Variants in BAZ2B observed in about 807,000 individuals in gnomAD.
BAZ2B encodes bromodomain adjacent to zinc finger domain 2B, also known as bromodomain adjacent to zinc finger domain protein 2B.
In BAZ2B, 91 loss-of-function variants were observed where a neutral mutation model predicts 246.0. The ratio of observed to expected loss-of-function variants is 0.37; its 90% confidence interval spans 0.31 to 0.44. The LOEUF is 0.44. Ranked by LOEUF, BAZ2B falls within the 20% of genes least tolerant of loss-of-function variation. BAZ2B has a pLI of 1.00. For synonymous variants in BAZ2B, 855 were observed against 860.0 expected (o/e 0.99, Z 0.10); for missense variants, 2,332 against 2,533.7 (o/e 0.92, Z 1.71).
rs542403165 is a variant in BAZ2B at position 159,462,308 on chromosome 2, T to G, written c.146-8507A>C. The G allele has an allele frequency of 6.3e-6, 5 of 792,216 alleles. No homozygotes were observed. The Admixed American group carries it at 9.5e-5, about 15-fold the overall frequency. 49.1% of individuals were successfully genotyped at this position (792,216 alleles called of 1,614,324 possible). On this transcript the variant is annotated intron_variant, in intron 3 of 36. Transcript: ENST00000392783. ...TTTGAAAGCTCTAGCAAAATATCAC[T>G]CTTGTTTATAAATCACTTATTTATC...
intron 2 of BAZ2B, among the ~76,000 whole-genome samples, chr2:159,524,284 TA>T (rs552130774): frequency 2.0e-3 from 308 of 151,546 alleles, no homozygotes; most frequent in African/African-American, 7.2e-3. Flanking sequence ...AGCCAGGTAT[TA>T]AAAAAATAAA....
rs2069548069 is a variant in BAZ2B at position 159,425,129 on chromosome 2, T to C, written c.2466+2812A>G. On this transcript the variant is annotated intron_variant, in intron 13 of 36. Transcript: ENST00000392783. The stretch of plus-strand genomic sequence containing the variant: ...TTGGAAAACTATGAATTCTCAGTTT[T>C]ATTGAATTACAAAGAATAGGGGTAT... Among the ~76,000 whole-genome samples the C allele has an allele frequency of 4.6e-5, 7 of 152,338 alleles. No individual in the cohort carries two copies. In the South Asian group the frequency reaches 1.4e-3, roughly 32 times the overall value.
the BAZ2B span, among the ~76,000 whole-genome samples, chr2:159,685,855 T>G: frequency 6.6e-6 from 1 of 152,216 alleles, no homozygotes; most frequent in Admixed American, 6.5e-5. Context: ...AACTCCTCCC[T>G]CCAGGAGAAA....
In BAZ2B at chr2:159,478,967, T is replaced by C. The variant is rs115722260; in HGVS notation, c.-2-246A>G. Among the ~76,000 whole-genome samples the C allele has an allele frequency of 7.2e-3, 1,098 of 152,290 alleles. 11 individuals carry two copies. The highest frequency in any genetic ancestry group is 0.024 in the African/African-American group (1,014 of 41,556). ...CCCCAAATTAATAGTGGTTTGAATA[T>C]AGTAATTTCACACAAAATGTGTATT... On this transcript the variant is annotated intron_variant, in intron 2 of 36. Transcript: ENST00000392783.
intron 1 of BAZ2B, among the ~76,000 whole-genome samples, chr2:159,583,979 A>G (rs1302248355): frequency 6.6e-6 from 1 of 152,150 alleles, no homozygotes; most frequent in African/African-American, 2.4e-5. Context: ...GCCCAGAGTG[A>G]AGAAGAAGTG....
At chr2:159,318,152 T>C (rs577976097), downstream of BAZ2B, among the ~76,000 whole-genome samples, 238 of 152,166 alleles carry the variant, frequency 1.6e-3, 5 homozygotes, top group South Asian at 0.031. Context: ...TAAGCATATA[T>C]AATCTCTAAG....
At chr2:159,332,311 A>G (rs1013507489) in intron 34 of BAZ2B, among the ~76,000 whole-genome samples, 5 of 134,798 alleles carry the variant, frequency 3.7e-5, no homozygotes, top group Non-Finnish European at 8.0e-5. Context: ...ACATAGCAAG[A>G]CCCTATCTCT....
intron 6 of BAZ2B, 34 bp downstream of exon 6, chr2:159,446,748 C>T: frequency 6.6e-7 from 1 of 1,511,728 alleles, no homozygotes; most frequent in South Asian, 1.3e-5. Flanking sequence ...ATATATAGAT[C>T]TGTTATATAT....
chr2:159,645,891 T>C, the BAZ2B span, among the ~76,000 whole-genome samples: 1 of 151,840 alleles, frequency 6.6e-6, no homozygotes, highest in Non-Finnish European at 1.5e-5. Flanking sequence ...CTTCACAAGG[T>C]AATAGAATAT....
At chr2:159,520,006 T>C (rs946510677) in intron 2 of BAZ2B, among the ~76,000 whole-genome samples, 2 of 151,980 alleles carry the variant, frequency 1.3e-5, no homozygotes, top group East Asian at 1.9e-4. Context: ...TTTAGATTCA[T>C]ATTTGCATAC....
At position 159,478,687 on chromosome 2, in the gene BAZ2B, T is replaced by C. The variant is rs1358950436; in HGVS notation, c.33A>G (p.Ala11=). The C allele has an allele frequency of 3.7e-6, 6 of 1,601,672 alleles. No individual in the cohort carries two copies. Among genetic ancestry groups the C allele is most frequent in the Non-Finnish European group, 5.1e-6 (6 of 1,173,370 alleles). MESGERLPSS[A]ASSTTPTSSS... is the part of the protein sequence containing the mutation. The stretch of plus-strand genomic sequence containing the variant: ...ATGAAGTTGGTGTAGTAGAGGAGGC[T>C]GCTGAGGATGGTAACCGTTCTCCAG... Residue 11 remains alanine, a synonymous_variant, in exon 3 of 37, where the codon GCA becomes GCG. Transcript: ENST00000392783.
At chr2:159,596,649 C>T (rs1690784923) in intron 1 of BAZ2B, among the ~76,000 whole-genome samples, 1 of 152,130 alleles carries the variant, frequency 6.6e-6, no homozygotes, top group African/African-American at 2.4e-5. Context: ...ACACTGCATA[C>T]AATTTGTAAT....
intron 31 of BAZ2B, among the ~76,000 whole-genome samples, chr2:159,346,164 T>C (rs1290658994): frequency 6.6e-6 from 1 of 152,170 alleles, no homozygotes; most frequent in Non-Finnish European, 1.5e-5. Flanking sequence ...ATAGTTTCAA[T>C]AATAAATTTT....
intron 34 of BAZ2B, among the ~76,000 whole-genome samples, chr2:159,329,675 A>C (rs1401706869): frequency 6.6e-6 from 1 of 152,226 alleles, no homozygotes; most frequent in Non-Finnish European, 1.5e-5. Context: ...TAAAAACCTT[A>C]ACCCTTCATT....
At position 159,438,497 on chromosome 2, in the gene BAZ2B, A is replaced by G; in HGVS notation, c.1099T>C (p.Ser367Pro). ...IFQSSQAKEESVNKHTSVIQS... is the reference protein window; with the variant it reads ...IFQSSQAKEEPVNKHTSVIQS... ...ATTACACTGGTGTGTTTGTTCACAG[A>G]TTCCTCCTTTGCCTGAGAGCTTTGG... Residue 367 changes from serine to proline, a missense_variant, in exon 8 of 37, where the codon TCT (serine) becomes CCT (proline). Physicochemically the swap from Ser to Pro is moderately conservative, Grantham distance 74 (BLOSUM62 -1). This residue lies in a region of BAZ2B where 161 missense variants were observed against 225.8 expected (regional missense o/e 0.71). Coordinates refer to ENST00000392783, the MANE Select transcript of BAZ2B (RefSeq NM_013450.4). 1 of 1,614,188 alleles carries G rather than the reference A, an allele frequency of 6.2e-7. No individual in the cohort carries two copies. The highest frequency in any genetic ancestry group is 8.5e-7 in the Non-Finnish European group (1 of 1,180,014).
chr2:159,484,744 G>A (rs1419608272), intron 2 of BAZ2B, among the ~76,000 whole-genome samples: 1 of 152,126 alleles, frequency 6.6e-6, no homozygotes, highest in African/African-American at 2.4e-5. Context: ...ACCAAGACAC[G>A]TTGCCTGAGA....
chr2:159,576,784 A>G (rs1260298915), intron 1 of BAZ2B, among the ~76,000 whole-genome samples: 1 of 151,698 alleles, frequency 6.6e-6, no homozygotes, highest in Non-Finnish European at 1.5e-5. Flanking sequence ...ATGGTGGCAA[A>G]TGCCTGTAGT....
At chr2:159,397,932 A>G (rs1365240718) in intron 18 of BAZ2B, among the ~76,000 whole-genome samples, 1 of 152,176 alleles carries the variant, frequency 6.6e-6, no homozygotes, top group Non-Finnish European at 1.5e-5. Flanking sequence ...TTTCATGTCC[A>G]CCTATAATTC....
At chr2:159,507,788 G>A (rs1177109753) in intron 2 of BAZ2B, among the ~76,000 whole-genome samples, 8 of 152,114 alleles carry the variant, frequency 5.3e-5, no homozygotes, top group East Asian at 3.9e-4. Flanking sequence ...GAACTTAAAC[G>A]TTTTAAAAAC....
Sources: allele counts gnomAD v4.1 joint callset (sites outside exome capture counted in the v4.1 genomes callset), GRCh38; gene constraint gnomAD v4.1.1; regional missense constraint gnomAD v4.1.1; transcripts MANE v1.5; gene names NCBI Gene and HGNC (gene_info 2026-07-23, HGNC 2026-07-21).